Variants in RIMS4 observed in about 807,000 individuals in gnomAD.
RIMS4 encodes regulating synaptic membrane exocytosis protein 4.
In RIMS4, 9 loss-of-function variants were observed where a neutral mutation model predicts 29.0. The ratio of observed to expected loss-of-function variants is 0.31; its 90% CI spans 0.19 to 0.54. The LOEUF (loss-of-function observed/expected upper bound fraction) is 0.54, where lower values mean the gene tolerates loss of function less well. Among genes scored for constraint, RIMS4 ranks in the 20% least tolerant of loss-of-function variants. The probability of loss-of-function intolerance (pLI) is 0.94; values close to 1 mark genes in which losing one functional copy is unlikely to be tolerated. For synonymous variants in RIMS4, 130 were observed against 152.9 expected (o/e 0.85, Z 1.10); for missense variants, 193 against 365.7 (o/e 0.53, Z 3.85).
rs2066042417 is a variant in RIMS4, at chr20:44,753,218, C to T, written c.*2916G>A. ...GCCCATCTTTTGGGGGGCCATTAGG[C>T]TTCAAAGAAAGAAGGGAGGAGGAGG... On this transcript the variant is annotated 3_prime_UTR_variant, in exon 6 of 6. Transcript: ENST00000372851. 6.5e-6 allele frequency: 1 copy of T among 152,694 alleles called. No individual in the cohort carries two copies. The highest frequency in any genetic ancestry group is 1.5e-5 in the Non-Finnish European group (1 of 68,088). 9.5% of individuals were successfully genotyped at this position (152,694 alleles called of 1,614,324 possible).
At chr20:44,779,419 A>C (rs1320036611) in intron 1 of RIMS4, among the ~76,000 whole-genome samples, 1 of 152,212 alleles carries the variant, frequency 6.6e-6, no homozygotes, top group African/African-American at 2.4e-5. Flanking sequence ...TTCCACCAAA[A>C]GTAGCATTAC....
intron 1 of RIMS4, among the ~76,000 whole-genome samples, chr20:44,779,289 G>A (rs1040191157): frequency 4.6e-5 from 7 of 152,010 alleles, no homozygotes; most frequent in African/African-American, 9.7e-5. Flanking sequence ...ATTATATATC[G>A]CACAGTTGTA....
intron 1 of RIMS4, among the ~76,000 whole-genome samples, chr20:44,775,521 C>A (rs1438535168): frequency 6.6e-6 from 1 of 152,198 alleles, no homozygotes; most frequent in Non-Finnish European, 1.5e-5. Context: ...GGAGGATGAA[C>A]CCTCACCTCC....
chr20:44,794,952 G>C (rs1482427768), intron 1 of RIMS4, among the ~76,000 whole-genome samples: 4 of 152,134 alleles, frequency 2.6e-5, no homozygotes, highest in Admixed American at 2.0e-4. Flanking sequence ...TCACATCCCT[G>C]CTAAAAACCC....
intron 1 of RIMS4, among the ~76,000 whole-genome samples, chr20:44,789,480 T>C (rs779522977): frequency 6.6e-6 from 1 of 151,982 alleles, no homozygotes; most frequent in African/African-American, 2.4e-5. Context: ...GTATTTTTAG[T>C]AGAGACAGGG....
Position 44,756,058 on chromosome 20 carries a change from G to GCC in RIMS4, c.*74_*75dup. ...AGAGCCCCGTCCTCCTGTTCAATGTGCCCCTGGGCCTGGGGTCCCAGGTCA... is the reference window on the plus strand; with the variant it reads ...AGAGCCCCGTCCTCCTGTTCAATGTGCCCCCCTGGGCCTGGGGTCCCAGGTCA... On this transcript the variant is annotated 3_prime_UTR_variant, in exon 6 of 6. Transcript: ENST00000372851. This position sits in a 1 kb window ranked among gnomAD's most constrained non-coding sequence, Gnocchi z 5.9. The GCC allele has an allele frequency of 8.7e-7, 1 of 1,144,186 alleles. No homozygotes were observed. The highest frequency in any genetic ancestry group is 1.4e-5 in the South Asian group (1 of 70,128). The allele number at this position is 1,144,186 out of a possible 1,614,324, so 70.9% of individuals were successfully genotyped here.
In RIMS4 at chr20:44,771,374, G is replaced by A. The variant is rs1410307418; in HGVS notation, c.137C>T (p.Thr46Met). Residue 46 changes from threonine to methionine, a missense_variant, in exon 2 of 6, where the codon ACG becomes ATG. Thr to Met is a moderately conservative substitution (Grantham distance 81). Coordinates refer to ENST00000372851, the MANE Select transcript of RIMS4 (RefSeq NM_182970.4). ...CATCTCCACTGCCAGGCCCGTCTCC[G>A]TGCTCCTCTGGATGGCCCCCTTCAG... ...RRLKGAIQRS[T>M]ETGLAVEMPS... is the part of the protein sequence containing the mutation. The A allele has an allele frequency of 3.7e-6, 6 of 1,613,666 alleles. No individual in the cohort carries two copies. Among genetic ancestry groups the A allele is most frequent in the African/African-American group, 2.7e-5 (2 of 74,932 alleles).
At chr20:44,770,941 GTAAACGTCTAATCCTC>G (rs1168977788) in intron 2 of RIMS4, among the ~76,000 whole-genome samples, 27 of 152,274 alleles carry the variant, frequency 1.8e-4, no homozygotes, top group Admixed American at 3.3e-4. Context: ...TATATGGATT[GTAAACGTCTAATCCTC>G]ATAACACCCC....
intron 2 of RIMS4, among the ~76,000 whole-genome samples, chr20:44,770,195 G>A (rs1002318387): frequency 2.0e-5 from 3 of 152,100 alleles, no homozygotes; most frequent in African/African-American, 7.2e-5. Context: ...ACCATGAAGC[G>A]ATGCAGTGCT....
intron 1 of RIMS4, among the ~76,000 whole-genome samples, chr20:44,808,941 T>C (rs2066310822): frequency 6.6e-6 from 1 of 152,192 alleles, no homozygotes; most frequent in Admixed American, 6.5e-5. Context: ...AGTCCATGTT[T>C]TCCTCAGAGA....
intron 1 of RIMS4, among the ~76,000 whole-genome samples, chr20:44,788,979 T>C (rs1479901822): frequency 6.6e-6 from 1 of 152,098 alleles, no homozygotes; most frequent in Non-Finnish European, 1.5e-5. Context: ...AATAAATTAC[T>C]ATGAAGTGAA....
At chr20:44,764,238 T>TTATC (rs1555859465) in intron 2 of RIMS4, among the ~76,000 whole-genome samples, 6,684 of 125,994 alleles carry the variant, frequency 0.053, 1 homozygote, top group Non-Finnish European at 0.061. Context: ...GTCCATCCAT[T>TTATC]CATCCATCCA....
chr20:44,783,837 G>T (rs901326970), intron 1 of RIMS4, among the ~76,000 whole-genome samples: 1 of 152,138 alleles, frequency 6.6e-6, no homozygotes, highest in African/African-American at 2.4e-5. Flanking sequence ...GGGGCAAATG[G>T]GATGTGAATG....
chr20:44,782,133 G>A (rs2066187162), intron 1 of RIMS4, among the ~76,000 whole-genome samples: 1 of 152,128 alleles, frequency 6.6e-6, no homozygotes, highest in African/African-American at 2.4e-5. Context: ...TGCAAAACAG[G>A]AAAAATGATA....
intron 1 of RIMS4, among the ~76,000 whole-genome samples, chr20:44,790,678 T>C (rs1398303587): frequency 1.3e-5 from 2 of 152,088 alleles, no homozygotes; most frequent in African/African-American, 2.4e-5. Flanking sequence ...CTCTGCTCCA[T>C]GAAGGATGGA....
intron 1 of RIMS4, among the ~76,000 whole-genome samples, chr20:44,798,562 T>C (rs1000590765): frequency 6.6e-6 from 1 of 152,156 alleles, no homozygotes; most frequent in Non-Finnish European, 1.5e-5. Flanking sequence ...AGATCCCCCA[T>C]GCTAAGCAGG....
intron 1 of RIMS4, among the ~76,000 whole-genome samples, chr20:44,784,866 CA>C (rs1434375373): frequency 6.6e-6 from 1 of 152,200 alleles, no homozygotes; most frequent in African/African-American, 2.4e-5. Context: ...ACACAGACAC[CA>C]AAGGCTGAAG....
chr20:44,808,109 C>CT (rs2066307115), intron 1 of RIMS4, among the ~76,000 whole-genome samples: 2 of 151,522 alleles, frequency 1.3e-5, no homozygotes, highest in African/African-American at 4.9e-5. Context: ...CACACACACC[C>CT]ATTCCAGGGC....
At chr20:44,777,656 T>C (rs879047319) in intron 1 of RIMS4, among the ~76,000 whole-genome samples, 3 of 152,148 alleles carry the variant, frequency 2.0e-5, no homozygotes, top group Admixed American at 2.0e-4. Context: ...AGGGATGTGT[T>C]GGGGGGAGGG....
Sources: gnomAD v4.1 joint callset for allele counts (sites outside exome capture counted in the v4.1 genomes callset) on GRCh38, gnomAD v4.1.1 for gene constraint, Gnocchi (gnomAD v3.1) non-coding constraint, MANE v1.5 for transcripts, NCBI Gene and HGNC (gene_info 2026-07-23, HGNC 2026-07-21) for gene names.